SHROOM4: variants seen among roughly 807,000 people sequenced by gnomAD.
The protein encoded by SHROOM4 is shroom family member 4.
Under a neutral mutation model 80.3 loss-of-function variants are expected in SHROOM4, and 17 were observed. That is an observed-to-expected ratio of 0.21 (90% CI 0.14 to 0.32). The LOEUF is 0.32. SHROOM4 is among the 10% of genes least tolerant of loss of function. The probability of loss-of-function intolerance (pLI) is 1.00; values close to 1 mark genes in which losing one functional copy is unlikely to be tolerated. For synonymous variants in SHROOM4, 400 were observed against 437.5 expected (o/e 0.91, Z 1.07); for missense variants, 993 against 1,140.3 (o/e 0.87, Z 1.86).
the SHROOM4 span, among the ~76,000 whole-genome samples, chrX:50,577,158 C>G: frequency 8.9e-6 from 1 of 112,086 alleles, no homozygotes; most frequent in Admixed American, 9.4e-5. Flanking sequence ...CTGAGAATGT[C>G]TTGATTTCCA....
At chrX:50,678,005 C>T (rs1396873720) in intron 2 of SHROOM4, among the ~76,000 whole-genome samples, 2 of 111,870 alleles carry the variant, frequency 1.8e-5, no homozygotes, top group Non-Finnish European at 3.8e-5. Flanking sequence ...TTTTCTCTGA[C>T]ACAATCAACC....
Position 50,634,711 on chromosome X carries a change from G to A in SHROOM4, c.1362C>T (p.His454=), listed in dbSNP as rs1557255293. 1 of 1,211,557 alleles carries A rather than the reference G, an allele frequency of 8.3e-7. No homozygotes were observed. Among genetic ancestry groups the A allele is most frequent in the East Asian group, 3.0e-5 (1 of 33,792 alleles). ...QWTLSPLHSS[H]KGKKSPCPPT... is the part of the protein sequence containing the mutation. ...GGGGGCATGGACTTTTCTTCCCTTT[G>A]TGGCTGCTGTGCAAAGGGGACAGAG... The change falls in exon 4 of 9, where the codon CAC becomes CAT. Residue 454 remains histidine (H), a synonymous_variant. Transcript: ENST00000376020.
chrX:50,763,291 T>C (rs908162307), intron 1 of SHROOM4, among the ~76,000 whole-genome samples: 48 of 111,882 alleles, frequency 4.3e-4, no homozygotes, highest in African/African-American at 1.5e-3. Context: ...TTTTCTCATT[T>C]TAGGCTGGTT....
intron 1 of SHROOM4, among the ~76,000 whole-genome samples, chrX:50,782,308 T>C (rs1602509932): frequency 1.1e-5 from 1 of 94,511 alleles, no homozygotes; most frequent in Non-Finnish European, 2.0e-5. Flanking sequence ...ATATAAACCA[T>C]TTTTTTTAAG....
Position 50,738,517 on chromosome X carries a change from C to T in SHROOM4, c.118-42580G>A, listed in dbSNP as rs376473105. 4.5e-5 allele frequency among the ~76,000 whole-genome samples: 5 copies of T among 111,538 alleles called. No individual in the cohort carries two copies. In the East Asian group the frequency reaches 1.1e-3, roughly 25 times the overall value. On this transcript the variant is annotated intron_variant, in intron 1 of 8. Coordinates refer to ENST00000376020, the MANE Select transcript of SHROOM4 (RefSeq NM_020717.5). ...AAAATCAATGTGCAAAAATCACAAG[C>T]ATTCTTATACAACAATAACAGACAA...
Position 50,696,012 on chromosome X carries a change from A to G in SHROOM4, c.118-75T>C, listed in dbSNP as rs1602441112. On this transcript the variant is annotated intron_variant, in intron 1 of 8. Coordinates refer to ENST00000376020, the MANE Select transcript of SHROOM4 (RefSeq NM_020717.5). ...CCCAAAATTCTACTTGTTTCTTCCA[A>G]CCCTGGAGCCACAAGTAGTACTGGG... 9 of 1,122,708 alleles carry G rather than the reference A, an allele frequency of 8.0e-6. 2 individuals are homozygous for G. The highest frequency in any genetic ancestry group is 2.3e-5 in the Admixed American group (1 of 44,404). The allele number at this position is 1,122,708 out of a possible 1,213,427, so 92.5% of individuals were successfully genotyped here. A position where few individuals can be genotyped will look rare whatever the true frequency, so the allele number is the denominator to read the frequency against.
intron 5 of SHROOM4, 56 bp from the exon 6 acceptor site, chrX:50,608,240 A>G (rs942342596): frequency 1.0e-4 from 113 of 1,093,906 alleles, no homozygotes; most frequent in Non-Finnish European, 1.4e-4. Flanking sequence ...ATAGGCCCAT[A>G]TTTTGGATGA....
At chrX:50,654,324 G>C (rs1932226471) in intron 2 of SHROOM4, among the ~76,000 whole-genome samples, 1 of 111,346 alleles carries the variant, frequency 9.0e-6, no homozygotes, top group Admixed American at 9.5e-5. Flanking sequence ...GTTCACATAA[G>C]CCCTTGGGAA....
In SHROOM4 at chrX:50,627,625, G is replaced by A; in HGVS notation, c.2946C>T (p.Ser982=). ...GAGCGCTCACTTACCTCCCTGACTG[G>A]CTGGTCTTCCTGTTTCCTGTTATTG... ...WNPITGNRKT[S]QSGREMAHSK... Residue 982 remains serine (S), a synonymous_variant, in exon 5 of 9, where the codon AGC becomes AGT. Coordinates refer to ENST00000376020, the MANE Select transcript of SHROOM4 (RefSeq NM_020717.5). The A allele has an allele frequency of 8.3e-7, 1 of 1,210,433 alleles. No individual in the cohort carries two copies. The highest frequency in any genetic ancestry group is 1.7e-5 in the African/African-American group (1 of 57,677).
rs377684419 is a variant in SHROOM4 at position 50,627,580 on chromosome X, C to A, written c.2957+34G>T. ...AATTTCTACAGAAGCTCCAGAGGCA[C>A]CAACCCACCCCAACTCCCTGAGCGC... is the stretch of plus-strand genomic sequence containing the variant. On this transcript the variant is annotated intron_variant, in intron 5 of 8. Coordinates refer to ENST00000376020, the MANE Select transcript of SHROOM4 (RefSeq NM_020717.5). 26 of 1,175,940 alleles carry A rather than the reference C, an allele frequency of 2.2e-5. No homozygotes were observed. In the African/African-American group the frequency reaches 4.6e-4, roughly 21 times the overall value.
intron 1 of SHROOM4, among the ~76,000 whole-genome samples, chrX:50,791,577 CTTTTTTT>C (rs782127144): frequency 6.9e-5 from 4 of 57,991 alleles, no homozygotes; most frequent in Non-Finnish European, 1.2e-4. Flanking sequence ...CCATGCCTGA[CTTTTTTT>C]TTTTTTTTTT....
intron 1 of SHROOM4, among the ~76,000 whole-genome samples, chrX:50,794,920 ATGTG>A (rs1323394874): frequency 2.0e-5 from 2 of 98,459 alleles, no homozygotes; most frequent in Non-Finnish European, 4.0e-5. Context: ...ATATATATAT[ATGTG>A]TATGTGTCTA....
At chrX:50,667,093 G>A (rs1932715774) in intron 2 of SHROOM4, among the ~76,000 whole-genome samples, 1 of 111,496 alleles carries the variant, frequency 9.0e-6, no homozygotes, top group African/African-American at 3.3e-5. Flanking sequence ...TTAGATTGGA[G>A]CTCTCACTCA....
chrX:50,795,127 G>C (rs1376953066), intron 1 of SHROOM4, among the ~76,000 whole-genome samples: 4 of 2,338 alleles, frequency 1.7e-3, no homozygotes, highest in African/African-American at 3.4e-3. Flanking sequence ...ATATATATAT[G>C]ATATATATAT....
At chrX:50,808,158 T>A (rs1393184843) in intron 1 of SHROOM4, among the ~76,000 whole-genome samples, 1 of 111,809 alleles carries the variant, frequency 8.9e-6, no homozygotes, top group Non-Finnish European at 1.9e-5. Context: ...AATATTTGCC[T>A]TCAGATATCC....
At chrX:50,761,870 GTCT>G (rs1453514713) in intron 1 of SHROOM4, among the ~76,000 whole-genome samples, 1 of 111,808 alleles carries the variant, frequency 8.9e-6, no homozygotes, top group Non-Finnish European at 1.9e-5. Context: ...CCACATGTAT[GTCT>G]TCTTTTCAAA....
chrX:50,647,580 C>T (rs1318747801), intron 2 of SHROOM4, among the ~76,000 whole-genome samples: 1 of 111,868 alleles, frequency 8.9e-6, no homozygotes, highest in African/African-American at 3.3e-5. Flanking sequence ...TATAGCGTCC[C>T]TTGGGAAAGA....
chrX:50,809,636 T>C (rs1557273258), intron 1 of SHROOM4, among the ~76,000 whole-genome samples: 1 of 112,001 alleles, frequency 8.9e-6, no homozygotes, highest in Non-Finnish European at 1.9e-5. Context: ...AGCTTCTTTC[T>C]CCTCCAGGTT....
chrX:50,771,848 T>C (rs1935399988), intron 1 of SHROOM4, among the ~76,000 whole-genome samples: 1 of 112,338 alleles, frequency 8.9e-6, no homozygotes, highest in African/African-American at 3.2e-5. Flanking sequence ...TCAATTAATA[T>C]GGTACTGGTG....
Sources: allele counts gnomAD v4.1 joint callset (sites outside exome capture counted in the v4.1 genomes callset), GRCh38; gene constraint gnomAD v4.1.1; transcripts MANE v1.5; gene names NCBI Gene and HGNC (gene_info 2026-07-23, HGNC 2026-07-21).